KIF13A: variants seen among roughly 807,000 people sequenced by gnomAD.
KIF13A encodes kinesin-like protein KIF13A.
KIF13A carries 79 observed loss-of-function variants against 212.2 expected under a neutral mutation model. The observed-to-expected ratio is 0.37, with a 90% CI of 0.31 to 0.45. The LOEUF (loss-of-function observed/expected upper bound fraction) is 0.45. Ranked by LOEUF, KIF13A falls within the 20% of genes least tolerant of loss-of-function variation. The pLI, the probability that KIF13A is intolerant of heterozygous loss-of-function variation, is 1.00. For missense variants in KIF13A, 1,901 were observed against 2,209.0 expected (o/e 0.86, Z 2.79); for synonymous variants, 789 against 808.6 (o/e 0.98, Z 0.41).
At chr6:17,880,630 A>G (rs999153417) in intron 3 of KIF13A, among the ~76,000 whole-genome samples, 1 of 147,812 alleles carries the variant, frequency 6.8e-6, no homozygotes, top group Non-Finnish European at 1.5e-5. Flanking sequence ...TCTGTCTCAA[A>G]AAAAAAAAAA....
chr6:17,852,839 AGTTT>A (rs1255969093), intron 6 of KIF13A, among the ~76,000 whole-genome samples: 70 of 152,282 alleles, frequency 4.6e-4, no homozygotes, highest in Non-Finnish European at 1.3e-4. Flanking sequence ...TATAGTACAG[AGTTT>A]GTTTATAATT....
chr6:17,929,695 C>T (rs1168345980), intron 2 of KIF13A, among the ~76,000 whole-genome samples: 1 of 151,986 alleles, frequency 6.6e-6, no homozygotes, highest in East Asian at 1.9e-4. Context: ...CCACCGCGCC[C>T]GGCCGCACTC....
At chr6:17,903,311 T>A (rs1159516311) in intron 2 of KIF13A, among the ~76,000 whole-genome samples, 2 of 152,214 alleles carry the variant, frequency 1.3e-5, no homozygotes, top group Non-Finnish European at 2.9e-5. Flanking sequence ...CCCAAACTTA[T>A]TTGATAACAG....
intron 19 of KIF13A, among the ~76,000 whole-genome samples, chr6:17,804,811 TAAAAAAAAA>T (rs56785510): frequency 0.014 from 320 of 23,304 alleles, 1 homozygote; most frequent in Admixed American, 0.029. Context: ...CTGTCTCCAT[TAAAAAAAAA>T]AAAAAAAAAA....
In KIF13A at chr6:17,789,532, T is replaced by C. The variant is rs1761353859; in HGVS notation, c.3261+340A>G. 6.6e-6 allele frequency among the ~76,000 whole-genome samples: 1 copy of C among 152,128 alleles called. No homozygotes were observed. The highest frequency in any genetic ancestry group is 1.5e-5 in the Non-Finnish European group (1 of 68,026). On this transcript the variant is annotated intron_variant, in intron 26 of 38. Coordinates refer to ENST00000259711, the MANE Select transcript of KIF13A (RefSeq NM_022113.6). The surrounding 1 kb of genome is among the most constrained non-coding windows in gnomAD (Gnocchi z 4.8). ...ATCATCCATTTTTTAAATTAATTAATTAGTTAATTAATTTGCAGGAGACAG... is the reference window on the plus strand; with the variant it reads ...ATCATCCATTTTTTAAATTAATTAACTAGTTAATTAATTTGCAGGAGACAG...
At chr6:17,824,214 T>G (rs1297227384) in intron 16 of KIF13A, among the ~76,000 whole-genome samples, 5 of 151,972 alleles carry the variant, frequency 3.3e-5, no homozygotes, top group Non-Finnish European at 2.9e-5. Context: ...TGGCCCTACA[T>G]TTCATTTTTA....
rs192358685 is a variant in KIF13A at position 17,817,231 on chromosome 6, G to T, written c.1789C>A (p.Pro597Thr). ...VIMKTLNSND[P>T]VQNVVQVLEK... ...AGGACCTGAACCACATTTTGAACTG[G>T]GTCTAGTGAGCCAAGAGACAAGGCA... Residue 597 changes from proline (P) to threonine (T), a missense_variant and splice_region_variant, in exon 17 of 39, where the codon CCA becomes ACA. Transcript: ENST00000259711. The T allele has an allele frequency of 6.2e-7, 1 of 1,613,836 alleles. No homozygotes were observed. Among genetic ancestry groups the T allele is most frequent in the East Asian group, 2.2e-5 (1 of 44,880 alleles).
Position 17,794,212 on chromosome 6 carries a change from G to A in KIF13A, c.3222+37C>T, listed in dbSNP as rs762367960. On this transcript the variant is annotated intron_variant, in intron 25 of 38. Coordinates refer to ENST00000259711, the MANE Select transcript of KIF13A (RefSeq NM_022113.6). This position sits in a 1 kb window ranked among gnomAD's most constrained non-coding sequence, Gnocchi z 4.1. ...TCCCCCTGGGACCTGCATTAACCAA[G>A]CTTTGTTAAATACTATTTTAAGTCT... The A allele has an allele frequency of 9.0e-6, 14 of 1,560,714 alleles. No individual in the cohort carries two copies. The highest frequency in any genetic ancestry group is 2.7e-5 in the African/African-American group (2 of 74,110).
rs1213194725 is a variant in KIF13A at position 17,951,425 on chromosome 6, C to A, written c.146+35629G>T. On this transcript the variant is annotated intron_variant, in intron 2 of 38. Coordinates refer to ENST00000259711, the MANE Select transcript of KIF13A (RefSeq NM_022113.6). This position sits in a 1 kb window ranked among gnomAD's most constrained non-coding sequence, Gnocchi z 4.9. Reference sequence around the variant, plus strand: ...GAATTAGAGATGTGAGCCACTGTGACCAGCCTCAATTTAAAAAAAAAAAAA... The same window carrying A: ...GAATTAGAGATGTGAGCCACTGTGAACAGCCTCAATTTAAAAAAAAAAAAA... 3 of 563,978 alleles carry A rather than the reference C, an allele frequency of 5.3e-6. No individual in the cohort carries two copies. Among genetic ancestry groups the A allele is most frequent in the African/African-American group, 2.0e-5 (1 of 49,336 alleles). The allele number at this position is 563,978 out of a possible 1,614,324, so 34.9% of individuals were successfully genotyped here. A position where few individuals can be genotyped will look rare whatever the true frequency, so the allele number is the denominator to read the frequency against.
At position 17,843,971 on chromosome 6, in the gene KIF13A, G is replaced by C. The variant is rs1766769149; in HGVS notation, c.830+5406C>G. Among the ~76,000 whole-genome samples the C allele has an allele frequency of 6.6e-6, 1 of 151,694 alleles. No individual in the cohort carries two copies. The highest frequency in any genetic ancestry group is 1.5e-5 in the Non-Finnish European group (1 of 67,986). On this transcript the variant is annotated intron_variant, in intron 9 of 38. Coordinates refer to ENST00000259711, the MANE Select transcript of KIF13A (RefSeq NM_022113.6). This position sits in a 1 kb window ranked among gnomAD's most constrained non-coding sequence, Gnocchi z 5.3. ...GAGGCAGGAGAATCACTTGAACCCAGGAGATGGAGGTCGCAGTGAGCCGAG... is the reference window on the plus strand; with the variant it reads ...GAGGCAGGAGAATCACTTGAACCCACGAGATGGAGGTCGCAGTGAGCCGAG...
intron 2 of KIF13A, among the ~76,000 whole-genome samples, chr6:17,903,865 C>T (rs1051268054): frequency 8.5e-5 from 13 of 152,050 alleles, no homozygotes; most frequent in African/African-American, 2.7e-4. Context: ...AGTTGCCAGG[C>T]GGCGTGGCTC....
Position 17,772,029 on chromosome 6 carries a change from G to A in KIF13A, c.4355C>T (p.Thr1452Ile). Residue 1452 changes from threonine to isoleucine, a missense_variant, in exon 37 of 39, where the codon ACC (threonine) becomes ATC (isoleucine). Coordinates refer to ENST00000259711, the MANE Select transcript of KIF13A (RefSeq NM_022113.6). This position sits in a 1 kb window ranked among gnomAD's most constrained non-coding sequence, Gnocchi z 4.8. Reference protein sequence around the residue: ...GCTSETPHALTVSPFKAFSPQ... With the variant: ...GCTSETPHALIVSPFKAFSPQ... ...AGAGAATGCTTTAAAAGGGCTGACG[G>A]TTAAGGCATGAGGAGTCTCTGATGT... 1.9e-6 allele frequency: 3 copies of A among 1,613,932 alleles called. No homozygotes were observed. Among genetic ancestry groups the A allele is most frequent in the South Asian group, 1.1e-5 (1 of 91,084 alleles).
intron 2 of KIF13A, among the ~76,000 whole-genome samples, chr6:17,927,655 T>C (rs1487653338): frequency 6.6e-6 from 1 of 152,232 alleles, no homozygotes; most frequent in Non-Finnish European, 1.5e-5. Context: ...TTTAAACGGC[T>C]AAAATGATCA....
Position 17,986,096 on chromosome 6 carries a change from GA to G in KIF13A, c.146+957del, listed in dbSNP as rs565073208. Among the ~76,000 whole-genome samples, 176 of 152,290 alleles carry G rather than the reference GA, an allele frequency of 1.2e-3. 1 individual carries two copies. The highest frequency in any genetic ancestry group is 3.3e-3 in the South Asian group (16 of 4,826). On this transcript the variant is annotated intron_variant, in intron 2 of 38. Coordinates refer to ENST00000259711, the MANE Select transcript of KIF13A (RefSeq NM_022113.6). ...GAGTCTCTCTTCAGTGAAAATCTCTGAAGAAGGAAATTCACTAAATTGTATT... is the reference window on the plus strand; with the variant it reads ...GAGTCTCTCTTCAGTGAAAATCTCTGAGAAGGAAATTCACTAAATTGTATT...
Position 17,826,024 on chromosome 6 carries a change from C to T in KIF13A, c.1619+14G>A. ...ATGTATACGAAAATATATTACAGAACACAAAGATGTTACCTAAAAAAGTGA... is the reference window on the plus strand; with the variant it reads ...ATGTATACGAAAATATATTACAGAATACAAAGATGTTACCTAAAAAAGTGA... On this transcript the variant is annotated intron_variant, in intron 15 of 38. Transcript: ENST00000259711. The surrounding 1 kb of genome is among the most constrained non-coding windows in gnomAD (Gnocchi z 4.7). 6.2e-7 allele frequency: 1 copy of T among 1,612,584 alleles called. No individual in the cohort carries two copies. The highest frequency in any genetic ancestry group is 8.5e-7 in the Non-Finnish European group (1 of 1,178,774).
At chr6:17,774,490 T>C (rs1474354381) in intron 35 of KIF13A, among the ~76,000 whole-genome samples, 2 of 151,976 alleles carry the variant, frequency 1.3e-5, no homozygotes, top group African/African-American at 4.8e-5. Context: ...TGCATAGCAA[T>C]TGTCTGGGCA....
At chr6:17,823,353 C>T (rs1001545279) in intron 16 of KIF13A, among the ~76,000 whole-genome samples, 12 of 150,304 alleles carry the variant, frequency 8.0e-5, no homozygotes, top group Non-Finnish European at 1.8e-4. Context: ...TATATAAATA[C>T]ATTACACTTG....
At chr6:17,795,711 A>C (rs1561982251) in intron 23 of KIF13A, among the ~76,000 whole-genome samples, 1 of 152,182 alleles carries the variant, frequency 6.6e-6, no homozygotes, top group Non-Finnish European at 1.5e-5. Context: ...GCAAATGATC[A>C]ACTTGATAAG....
intron 17 of KIF13A, among the ~76,000 whole-genome samples, chr6:17,812,976 T>C (rs1763566930): frequency 6.6e-6 from 1 of 152,226 alleles, no homozygotes; most frequent in Admixed American, 6.5e-5. Context: ...CATGTATGTC[T>C]TCTTTTGAAG....
Sources: allele counts gnomAD v4.1 joint callset (sites outside exome capture counted in the v4.1 genomes callset), GRCh38; gene constraint gnomAD v4.1.1; non-coding constraint Gnocchi (gnomAD v3.1); transcripts MANE v1.5; gene names NCBI Gene and HGNC (gene_info 2026-07-23, HGNC 2026-07-21).